The following CNOT9 variants were observed in gnomAD, a reference collection of about 807,000 sequenced individuals.
CNOT9 encodes the protein RCD1 required for cell differentiation1 homolog.
In CNOT9, 8 loss-of-function variants were observed where a neutral mutation model predicts 37.4. That is an observed-to-expected ratio of 0.21 (90% confidence interval 0.13 to 0.39). The LOEUF is 0.39. Ranked by LOEUF, CNOT9 falls within the 10% of genes least tolerant of loss-of-function variation. The pLI, the probability that CNOT9 is intolerant of heterozygous loss-of-function variation, is 1.00. For synonymous variants in CNOT9, 120 were observed against 137.6 expected (o/e 0.87, Z 0.90); for missense variants, 154 against 365.3 (o/e 0.42, Z 4.71).
At position 218,593,981 on chromosome 2, in the gene CNOT9, G is replaced by T. The variant is rs143435384; in HGVS notation, c.732-127G>T. ...AATATAGCTTTAGAGAATTTTAATG[G>T]CTTCTTAAGGAGCCATAGATTCACA... On this transcript the variant is annotated intron_variant, in intron 7 of 7. Coordinates refer to ENST00000273064, the MANE Select transcript of CNOT9 (RefSeq NM_005444.3). 4.7e-4 allele frequency: 500 copies of T among 1,060,066 alleles called. 2 individuals carry two copies. In the African/African-American group the frequency reaches 7.4e-3, roughly 16 times the overall value. The allele number at this position is 1,060,066 out of a possible 1,614,324, so 65.7% of individuals were successfully genotyped here.
In CNOT9 at chr2:218,592,097, G is replaced by GA. The variant is rs963096844; in HGVS notation, c.541-198dup. Among the ~76,000 whole-genome samples the GA allele has an allele frequency of 2.4e-4, 36 of 150,704 alleles. No individual in the cohort carries two copies. The highest frequency in any genetic ancestry group is 7.5e-4 in the African/African-American group (31 of 41,140). The stretch of plus-strand genomic sequence containing the variant: ...ATAAGATAAGCATGTAAAGCCTCTA[G>GA]AAAAAAAAACTGGTACAAAGTAATG... On this transcript the variant is annotated intron_variant, in intron 5 of 7. Coordinates refer to ENST00000273064, the MANE Select transcript of CNOT9 (RefSeq NM_005444.3). This position sits in a 1 kb window ranked among gnomAD's most constrained non-coding sequence, Gnocchi z 4.1.
chr2:218,569,894 C>G (rs1693916795), intron 1 of CNOT9, among the ~76,000 whole-genome samples: 1 of 152,192 alleles, frequency 6.6e-6, no homozygotes, highest in South Asian at 2.1e-4. Context: ...CTAAATCGGT[C>G]TCAGAGTGGC....
chr2:218,570,664 A>G (rs1471219846), intron 1 of CNOT9, among the ~76,000 whole-genome samples: 1 of 152,090 alleles, frequency 6.6e-6, no homozygotes, highest in Non-Finnish European at 1.5e-5. Flanking sequence ...TCAAAATCTG[A>G]TTGTGTCTTC....
At chr2:218,585,790 A>C (rs933527955) in intron 4 of CNOT9, among the ~76,000 whole-genome samples, 3 of 151,714 alleles carry the variant, frequency 2.0e-5, no homozygotes, top group Admixed American at 1.3e-4. Flanking sequence ...GGCACATGCC[A>C]CCACACCTGG....
At chr2:218,583,229 GTGTGTCTCTCTCTCTCTCTCTCTCTCTC>G (rs757554466) in intron 3 of CNOT9, 143 bp downstream of exon 3, 1,848 of 89,696 alleles carry the variant, frequency 0.021, 13 homozygotes, top group Middle Eastern at 0.028. Flanking sequence ...GTGTGTGTGT[GTGTGTCTCTCTCTCTCTCTCTCTCTCTC>G]TCTCTCTCTC....
rs920604645 is a variant in CNOT9 at position 218,596,758 on chromosome 2, T to C, written c.*2482T>C. 6.6e-6 allele frequency: 1 copy of C among 152,178 alleles called. No individual in the cohort carries two copies. Among genetic ancestry groups the C allele is most frequent in the Non-Finnish European group, 1.5e-5 (1 of 68,048 alleles). The allele number at this position is 152,178 out of a possible 1,614,324, so 9.4% of individuals were successfully genotyped here. ...GTGCCAGTGTAGGGAGAGACTTCCA[T>C]AGTGACAAGGTAATGCTTGAAACAT... On this transcript the variant is annotated 3_prime_UTR_variant, in exon 8 of 8. Transcript: ENST00000273064.
At chr2:218,573,042 G>A (rs1053507642) in intron 1 of CNOT9, among the ~76,000 whole-genome samples, 4 of 151,930 alleles carry the variant, frequency 2.6e-5, no homozygotes, top group East Asian at 1.9e-4. Context: ...ATTCTGGGCC[G>A]GGCATGGTGG....
intron 1 of CNOT9, among the ~76,000 whole-genome samples, chr2:218,577,698 G>T (rs1694219359): frequency 6.6e-6 from 1 of 152,198 alleles, no homozygotes; most frequent in East Asian, 1.9e-4. Context: ...CAAACCAGTG[G>T]TTACCAGGGC....
chr2:218,581,418 C>T (rs571156008), intron 2 of CNOT9, among the ~76,000 whole-genome samples: 1 of 152,062 alleles, frequency 6.6e-6, no homozygotes, highest in East Asian at 1.9e-4. Flanking sequence ...GATCCACCCA[C>T]CTTGGCCTCC....
Position 218,580,668 on chromosome 2 carries a change from G to A in CNOT9, c.132G>A (p.Lys44=). 1 of 1,614,172 alleles carries A rather than the reference G, an allele frequency of 6.2e-7. No individual in the cohort carries two copies. Among genetic ancestry groups the A allele is most frequent in the Non-Finnish European group, 8.5e-7 (1 of 1,179,996 alleles). ...TRENALLELS[K]KRESVPDLAP... The stretch of plus-strand genomic sequence containing the variant: ...AAAATGCTTTGCTGGAGCTAAGTAA[G>A]AAGCGAGAATCTGTTCCTGACCTTG... Residue 44 remains lysine, a synonymous_variant, in exon 2 of 8, where the codon AAG becomes AAA. Transcript: ENST00000273064.
rs1020363501 is a variant in CNOT9 at position 218,568,912 on chromosome 2, C to A, written c.-43C>A. 1.2e-5 allele frequency: 19 copies of A among 1,594,938 alleles called. No individual in the cohort carries two copies. Among genetic ancestry groups the A allele is most frequent in the Non-Finnish European group, 1.6e-5 (19 of 1,170,166 alleles). On this transcript the variant is annotated 5_prime_UTR_variant, in exon 1 of 8. Transcript: ENST00000273064. Reference sequence around the variant, plus strand: ...GGGGTGCTGAAGGGGGGACGCGGGTCGGACGCGTCCGGCTGTGGAAGAGAG... The same window carrying A: ...GGGGTGCTGAAGGGGGGACGCGGGTAGGACGCGTCCGGCTGTGGAAGAGAG...
chr2:218,590,420 T>G (rs1348104510), intron 5 of CNOT9, among the ~76,000 whole-genome samples: 1 of 152,214 alleles, frequency 6.6e-6, no homozygotes, highest in Non-Finnish European at 1.5e-5. Flanking sequence ...ACACTTAAGA[T>G]TAGTGCACTT....
At chr2:218,575,114 G>T (rs913480440) in intron 1 of CNOT9, among the ~76,000 whole-genome samples, 1 of 152,100 alleles carries the variant, frequency 6.6e-6, no homozygotes, top group African/African-American at 2.4e-5. Flanking sequence ...ACTTATCCTA[G>T]GTCACACAAT....
At chr2:218,590,442 C>G (rs1694735336) in intron 5 of CNOT9, among the ~76,000 whole-genome samples, 1 of 152,212 alleles carries the variant, frequency 6.6e-6, no homozygotes, top group Non-Finnish European at 1.5e-5. Context: ...ACACACTTCA[C>G]TGTGTGTAAG....
chr2:218,593,994 C>T (rs1324655805), intron 7 of CNOT9, 114 bp from the exon 8 acceptor site: 4 of 1,115,592 alleles, frequency 3.6e-6, no homozygotes, highest in Non-Finnish European at 3.9e-6. Context: ...TCTTAAGGAG[C>T]CATAGATTCA....
At chr2:218,574,062 TG>T in intron 1 of CNOT9, 1 of 429,964 alleles carries the variant, frequency 2.3e-6, no homozygotes, top group Non-Finnish European at 4.7e-6. Context: ...CTCGACCTTC[TG>T]GGTTCAGTCG....
In CNOT9 at chr2:218,592,079, A is replaced by G. The variant is rs1271324485; in HGVS notation, c.541-225A>G. On this transcript the variant is annotated intron_variant, in intron 5 of 7. Transcript: ENST00000273064. The surrounding 1 kb of genome is among the most constrained non-coding windows in gnomAD (Gnocchi z 4.1). ...CATTGATTTATTATAAAAATAAGAT[A>G]AGCATGTAAAGCCTCTAGAAAAAAA... 2.6e-5 allele frequency among the ~76,000 whole-genome samples: 4 copies of G among 152,212 alleles called. No homozygotes were observed. Among genetic ancestry groups the G allele is most frequent in the Non-Finnish European group, 1.5e-5 (1 of 68,040 alleles).
chr2:218,590,875 G>T (rs1411844633), intron 5 of CNOT9, among the ~76,000 whole-genome samples: 1 of 151,952 alleles, frequency 6.6e-6, no homozygotes, highest in East Asian at 1.9e-4. Context: ...GCCCAGGCTG[G>T]AGTGCAGTGG....
At chr2:218,569,241 C>T (rs968209071) in intron 1 of CNOT9, among the ~76,000 whole-genome samples, 22 of 152,166 alleles carry the variant, frequency 1.4e-4, no homozygotes, top group African/African-American at 4.3e-4. Flanking sequence ...CGTAGCAGGC[C>T]ATTCATTGAT....
Sources: allele counts gnomAD v4.1 joint callset (sites outside exome capture counted in the v4.1 genomes callset), GRCh38; gene constraint gnomAD v4.1.1; non-coding constraint Gnocchi (gnomAD v3.1); transcripts MANE v1.5; gene names NCBI Gene and HGNC (gene_info 2026-07-23, HGNC 2026-07-21).